HHIPL2: variants seen among roughly 807,000 people sequenced by gnomAD.
The protein encoded by HHIPL2 is HHIP like 2.
HHIPL2 carries 61 observed loss-of-function variants against 61.0 expected under a neutral mutation model. The ratio of observed to expected loss-of-function variants is 1.00; its 90% CI spans 0.81 to 1.24. HHIPL2 has a LOEUF of 1.24. Among genes scored for constraint, HHIPL2 ranks in the 50% most tolerant of loss-of-function variants. The pLI is 0.00. For missense variants in HHIPL2, 885 were observed against 910.2 expected (o/e 0.97, Z 0.36); for synonymous variants, 343 against 357.4 (o/e 0.96, Z 0.45).
At chr1:222,529,762 A>G (rs1258666072) in intron 6 of HHIPL2, among the ~76,000 whole-genome samples, 4 of 152,162 alleles carry the variant, frequency 2.6e-5, no homozygotes, top group Admixed American at 6.5e-5. Context: ...AACCTCAGCA[A>G]TGGGCAGCTC....
chr1:222,542,261 G>A, intron 2 of HHIPL2, 106 bp from the exon 3 acceptor site: 1 of 1,344,522 alleles, frequency 7.4e-7, no homozygotes, highest in Non-Finnish European at 1.0e-6. Context: ...GATTTGCCAA[G>A]CCAGCCAAGA....
intron 7 of HHIPL2, among the ~76,000 whole-genome samples, chr1:222,526,460 CTTTGGGAGA>C (rs1179965628): frequency 3.0e-4 from 46 of 151,260 alleles, no homozygotes; most frequent in Non-Finnish European, 4.9e-4. Flanking sequence ...AATCCCAGCA[CTTTGGGAGA>C]CCGAGGCAGG....
intron 5 of HHIPL2, among the ~76,000 whole-genome samples, chr1:222,533,971 A>G (rs568648264): frequency 6.6e-6 from 1 of 152,378 alleles, no homozygotes; most frequent in East Asian, 1.9e-4. Flanking sequence ...GATACATGTG[A>G]GAAAATACTT....
chr1:222,528,747 A>C (rs1182190195), intron 6 of HHIPL2, among the ~76,000 whole-genome samples: 1 of 152,208 alleles, frequency 6.6e-6, no homozygotes, highest in Non-Finnish European at 1.5e-5. Flanking sequence ...AATTTTATGA[A>C]AGAAAATGTC....
At chr1:222,539,527 T>TAAAAAAAAAAAAAAAAAAAAACAA (rs1659379629) in intron 4 of HHIPL2, among the ~76,000 whole-genome samples, 1 of 85,202 alleles carries the variant, frequency 1.2e-5, no homozygotes, top group Non-Finnish European at 2.4e-5. Flanking sequence ...AGACTCTGTC[T>TAAAAAAAAAAAAAAAAAAAAACAA]AAAAAAAAAA....
chr1:222,542,201 G>A (rs374495123), intron 2 of HHIPL2, 46 bp from the exon 3 acceptor site: 17 of 1,600,888 alleles, frequency 1.1e-5, no homozygotes, highest in South Asian at 7.9e-5. Context: ...GACACAAGCT[G>A]AAGCTGCATC....
chr1:222,543,877 C>G lies in HHIPL2; in HGVS notation c.634G>C (p.Val212Leu). 1 of 1,614,204 alleles carries G rather than the reference C, an allele frequency of 6.2e-7. No homozygotes were observed. The highest frequency in any genetic ancestry group is 8.5e-7 in the Non-Finnish European group (1 of 1,180,042). Residue 212 changes from valine to leucine, a missense_variant, in exon 2 of 9, where the codon GTG (valine) becomes CTG (leucine). By Grantham distance (32) the Val-to-Leu change is conservative. Coordinates refer to ENST00000343410, the MANE Select transcript of HHIPL2 (RefSeq NM_024746.4). Reference sequence around the variant, plus strand: ...ACGGGGTTCCTCAGCCCGTTGGCCACCTCGCTCAGGCAGAGCTGCAGGCAG... The same window carrying G: ...ACGGGGTTCCTCAGCCCGTTGGCCAGCTCGCTCAGGCAGAGCTGCAGGCAG... ...QGCLQLCLSE[V>L]ANGLRNPVSM...
At chr1:222,531,126 A>G (rs1240470023) in intron 6 of HHIPL2, among the ~76,000 whole-genome samples, 1 of 152,140 alleles carries the variant, frequency 6.6e-6, no homozygotes, top group Non-Finnish European at 1.5e-5. Flanking sequence ...TAGTCTGTCT[A>G]CTGAGCAACC....
chr1:222,544,502 G>C (rs976238040), intron 1 of HHIPL2, among the ~76,000 whole-genome samples: 1 of 152,022 alleles, frequency 6.6e-6, no homozygotes, highest in Non-Finnish European at 1.5e-5. Flanking sequence ...TAAATTTCTA[G>C]ATCTCTTTCT....
chr1:222,545,028 A>G (rs1392223263), intron 1 of HHIPL2, among the ~76,000 whole-genome samples: 1 of 152,218 alleles, frequency 6.6e-6, no homozygotes, highest in Non-Finnish European at 1.5e-5. Flanking sequence ...ATTTGCTCAA[A>G]GGAGTATCTG....
Position 222,536,192 on chromosome 1 carries a change from C to A in HHIPL2, c.1577+2456G>T, listed in dbSNP as rs75149569. Among the ~76,000 whole-genome samples the A allele has an allele frequency of 6.6e-3, 999 of 151,570 alleles. 26 individuals are homozygous for A. The East Asian group carries it at 0.1, about 15-fold the overall frequency. ...AACATTAAAATAACAGGAAAAAAATCAATGAACACAAAAGCTGGTTCTTAT... is the reference window on the plus strand; with the variant it reads ...AACATTAAAATAACAGGAAAAAAATAAATGAACACAAAAGCTGGTTCTTAT... On this transcript the variant is annotated intron_variant, in intron 5 of 8. Coordinates refer to ENST00000343410, the MANE Select transcript of HHIPL2 (RefSeq NM_024746.4).
chr1:222,529,987 C>A (rs1659153957), intron 6 of HHIPL2, among the ~76,000 whole-genome samples: 1 of 152,112 alleles, frequency 6.6e-6, no homozygotes, highest in South Asian at 2.1e-4. Flanking sequence ...AAATATGAAT[C>A]AGTTTATGCA....
intron 4 of HHIPL2, chr1:222,539,087 G>T: frequency 3.2e-6 from 1 of 313,792 alleles, no homozygotes; most frequent in South Asian, 6.2e-5. Context: ...CAGAAACCCA[G>T]GTTTAAGGAT....
At chr1:222,532,205 A>G in intron 5 of HHIPL2, 94 bp from the exon 6 acceptor site, 1 of 1,104,406 alleles carries the variant, frequency 9.1e-7, no homozygotes, top group Non-Finnish European at 1.3e-6. Flanking sequence ...GAGTACTAGG[A>G]CTGAGTCCCC....
chr1:222,532,233 C>G (rs1164138318), intron 5 of HHIPL2, 122 bp from the exon 6 acceptor site: 1 of 806,158 alleles, frequency 1.2e-6, no homozygotes, highest in African/African-American at 1.7e-5. Context: ...AGATCAATAA[C>G]TAGCCTGCCT....
rs147689036 is a variant in HHIPL2 at position 222,545,394 on chromosome 1, G to A, written c.322-1205C>T. 6.4e-3 allele frequency among the ~76,000 whole-genome samples: 975 copies of A among 152,210 alleles called. 15 individuals carry two copies. Among genetic ancestry groups the A allele is most frequent in the African/African-American group, 0.022 (894 of 41,526 alleles). ...ATTGTACGCTGCAGAGTCAGCTTTCGGTCATTGGGCAGAGTGGAAGAAGGA... is the reference window on the plus strand; with the variant it reads ...ATTGTACGCTGCAGAGTCAGCTTTCAGTCATTGGGCAGAGTGGAAGAAGGA... On this transcript the variant is annotated intron_variant, in intron 1 of 8. Transcript: ENST00000343410.
intron 6 of HHIPL2, among the ~76,000 whole-genome samples, chr1:222,531,620 C>T (rs747345148): frequency 1.8e-4 from 28 of 151,912 alleles, no homozygotes; most frequent in African/African-American, 4.8e-4. Context: ...TGGTGGCGGG[C>T]GCCTGTAGTC....
At position 222,540,018 on chromosome 1, in the gene HHIPL2, GCATTGTGA is replaced by G. The variant is rs1659394898; in HGVS notation, c.1434_1441del (p.His479LeufsTer4). The G allele has an allele frequency of 6.2e-7, 1 of 1,613,108 alleles. No homozygotes were observed. Among genetic ancestry groups the G allele is most frequent in the Non-Finnish European group, 8.5e-7 (1 of 1,179,288 alleles). On this transcript the variant is annotated frameshift_variant, in exon 4 of 9. Transcript: ENST00000343410. LOFTEE classifies it high-confidence loss of function. ...GAGAGCTTCTTACTTACCCAAAGAG[GCATTGTGA>G]CAAAGTTTTTTGTCATAACATGCAA... is the stretch of plus-strand genomic sequence containing the variant.
intron 6 of HHIPL2, among the ~76,000 whole-genome samples, chr1:222,530,444 T>C (rs1659163207): frequency 6.6e-6 from 1 of 152,228 alleles, no homozygotes; most frequent in South Asian, 2.1e-4. Flanking sequence ...TTCTCTCCTT[T>C]TTCATATGTT....
Sources: allele counts gnomAD v4.1 joint callset (sites outside exome capture counted in the v4.1 genomes callset), GRCh38; gene constraint gnomAD v4.1.1; transcripts MANE v1.5; gene names NCBI Gene and HGNC (gene_info 2026-07-23, HGNC 2026-07-21).